The following FGF14 variants were observed in gnomAD, a reference collection of about 807,000 sequenced individuals.
The protein encoded by FGF14 is fibroblast growth factor homologous factor 4.
In FGF14, 5 loss-of-function variants were observed where a neutral mutation model predicts 25.5. The ratio of observed to expected loss-of-function variants is 0.20; its 90% confidence interval spans 0.10 to 0.41. The LOEUF is 0.41. Among genes scored for constraint, FGF14 ranks in the 10% least tolerant of loss-of-function variants. The probability of loss-of-function intolerance (pLI) is 1.00; values close to 1 mark genes in which losing one functional copy is unlikely to be tolerated. For missense variants in FGF14, 222 were observed against 320.1 expected (o/e 0.69, Z 2.34); for synonymous variants, 138 against 118.3 (o/e 1.17, Z -1.08).
intron 1 of FGF14, among the ~76,000 whole-genome samples, chr13:102,156,623 C>T (rs1566756219): frequency 6.6e-6 from 1 of 152,176 alleles, no homozygotes. Flanking sequence ...CCCTCTCTCA[C>T]CACTCCTATT....
chr13:101,713,561 T>G lies in FGF14; in HGVS notation c.*9270A>C, dbSNP rs2034578423. 6.6e-6 allele frequency: 1 copy of G among 152,196 alleles called. No individual in the cohort carries two copies. Among genetic ancestry groups the G allele is most frequent in the Non-Finnish European group, 1.5e-5 (1 of 68,032 alleles). 9.4% of individuals were successfully genotyped at this position (152,196 alleles called of 1,614,324 possible). On this transcript the variant is annotated 3_prime_UTR_variant, in exon 5 of 5. Coordinates refer to ENST00000376143, the MANE Select transcript of FGF14 (RefSeq NM_004115.4). Reference sequence around the variant, plus strand: ...TTTGTTTCTTTTTCATTGTAAAGTCTTTCCTGCTGTCGTTGAGGCAGTTTT... The same window carrying G: ...TTTGTTTCTTTTTCATTGTAAAGTCGTTCCTGCTGTCGTTGAGGCAGTTTT...
At chr13:102,032,630 C>T (rs1327722719) in intron 1 of FGF14, among the ~76,000 whole-genome samples, 1 of 152,128 alleles carries the variant, frequency 6.6e-6, no homozygotes, top group African/African-American at 2.4e-5. Context: ...CCCAGTAGGG[C>T]TGCACTATGT....
chr13:101,953,861 G>A lies in FGF14; in HGVS notation c.209-78565C>T, dbSNP rs564267482. Among the ~76,000 whole-genome samples the A allele has an allele frequency of 4.1e-4, 63 of 152,004 alleles. 1 individual carries two copies. The highest frequency in any genetic ancestry group is 1.4e-3 in the African/African-American group (59 of 41,460). Reference sequence around the variant, plus strand: ...CACCTCGGCCTCTCAAAGTGCTGGGGTTACAGGAGTGAGTCACCGTGCCCG... The same window carrying A: ...CACCTCGGCCTCTCAAAGTGCTGGGATTACAGGAGTGAGTCACCGTGCCCG... On this transcript the variant is annotated intron_variant, in intron 1 of 4. Coordinates refer to the FGF14 transcript ENST00000376131.
chr13:102,317,453 T>C (rs953227081), intron 1 of FGF14, among the ~76,000 whole-genome samples: 4 of 152,188 alleles, frequency 2.6e-5, no homozygotes, highest in Non-Finnish European at 4.4e-5. Context: ...TTTACACACA[T>C]TGAAGGAGTT....
intron 1 of FGF14, among the ~76,000 whole-genome samples, chr13:102,274,884 T>A (rs149329095): frequency 1.2e-3 from 178 of 151,380 alleles, no homozygotes; most frequent in African/African-American, 4.1e-3. Flanking sequence ...TTTTTACTCG[T>A]CATTATTTAA....
intron 1 of FGF14, among the ~76,000 whole-genome samples, chr13:101,940,883 G>T (rs4144125): frequency 0.049 from 7,514 of 152,022 alleles, 268 homozygotes; most frequent in East Asian, 0.19. Flanking sequence ...TCATTCATAA[G>T]CAAATTTTTC....
chr13:102,281,541 T>C (rs2053832965), intron 1 of FGF14, among the ~76,000 whole-genome samples: 1 of 152,092 alleles, frequency 6.6e-6, no homozygotes, highest in Non-Finnish European at 1.5e-5. Flanking sequence ...AACAACCTCC[T>C]AATGATCAAA....
chr13:102,188,658 G>A (rs920612690), intron 1 of FGF14, among the ~76,000 whole-genome samples: 31 of 152,156 alleles, frequency 2.0e-4, no homozygotes, highest in Admixed American at 1.6e-3. Flanking sequence ...ATGAACAGAG[G>A]TCAGGTGCAG....
At chr13:102,195,062 A>T (rs1377211145) in intron 1 of FGF14, among the ~76,000 whole-genome samples, 1 of 152,214 alleles carries the variant, frequency 6.6e-6, no homozygotes, top group Non-Finnish European at 1.5e-5. Flanking sequence ...CCATATAAAC[A>T]AATGGAAATA....
intron 1 of FGF14, among the ~76,000 whole-genome samples, chr13:101,953,620 T>G (rs2036319037): frequency 6.6e-6 from 1 of 151,158 alleles, no homozygotes; most frequent in Non-Finnish European, 1.5e-5. Flanking sequence ...GATGGAGTTT[T>G]GCTCTTGTTG....
Position 101,941,816 on chromosome 13 carries a change from C to A in FGF14, c.209-66520G>T, listed in dbSNP as rs186978935. On this transcript the variant is annotated intron_variant, in intron 1 of 4. Coordinates refer to the FGF14 transcript ENST00000376131. ...CCTCTTCCACACCTATGATGAATGT[C>A]CTGAAAAGAATAAACCCAGGTAAAT... Among the ~76,000 whole-genome samples the A allele has an allele frequency of 4.1e-3, 625 of 152,248 alleles. 4 individuals are homozygous for A. Among genetic ancestry groups the A allele is most frequent in the Non-Finnish European group, 6.8e-3 (461 of 67,996 alleles).
At chr13:102,323,123 T>C (rs946914994) in intron 1 of FGF14, among the ~76,000 whole-genome samples, 1 of 152,170 alleles carries the variant, frequency 6.6e-6, no homozygotes, top group African/African-American at 2.4e-5. Flanking sequence ...AGTGTAAGGT[T>C]AAAAAAGTTG....
At chr13:101,855,720 G>A (rs1180381325) in intron 3 of FGF14, among the ~76,000 whole-genome samples, 1 of 151,928 alleles carries the variant, frequency 6.6e-6, no homozygotes, top group African/African-American at 2.4e-5. Context: ...AACTGACCAT[G>A]AAGCATAAAG....
chr13:101,793,765 G>A (rs1346725784), intron 3 of FGF14, among the ~76,000 whole-genome samples: 1 of 152,116 alleles, frequency 6.6e-6, no homozygotes. Flanking sequence ...TTCACTCATT[G>A]ACGCACCTGA....
chr13:102,260,406 T>C (rs1448860640), intron 1 of FGF14, among the ~76,000 whole-genome samples: 1 of 152,226 alleles, frequency 6.6e-6, no homozygotes, highest in Non-Finnish European at 1.5e-5. Flanking sequence ...AGCAAAGTAA[T>C]GCCCTCCAGG....
At chr13:102,369,297 T>C (rs1212845003) in intron 1 of FGF14, among the ~76,000 whole-genome samples, 1 of 152,190 alleles carries the variant, frequency 6.6e-6, no homozygotes, top group African/African-American at 2.4e-5. Context: ...CAGCATGCAT[T>C]CTGCTGCTCT....
At chr13:102,058,593 C>CAA (rs1157403692) in intron 1 of FGF14, among the ~76,000 whole-genome samples, 7 of 152,112 alleles carry the variant, frequency 4.6e-5, no homozygotes, top group African/African-American at 1.7e-4. Flanking sequence ...AAAAATAAAA[C>CAA]AATTATATTC....
At chr13:101,957,308 G>A (rs1331860693) in intron 1 of FGF14, among the ~76,000 whole-genome samples, 1 of 151,882 alleles carries the variant, frequency 6.6e-6, no homozygotes, top group Non-Finnish European at 1.5e-5. Context: ...TTTTCTTTTG[G>A]GGCAAGAAAA....
intron 1 of FGF14, among the ~76,000 whole-genome samples, chr13:102,144,894 G>T (rs2046791040): frequency 6.6e-6 from 1 of 151,948 alleles, no homozygotes; most frequent in Admixed American, 6.6e-5. Flanking sequence ...ATCAGAAAAG[G>T]TAAATCATTT....
Sources: allele counts gnomAD v4.1 joint callset (sites outside exome capture counted in the v4.1 genomes callset), GRCh38; gene constraint gnomAD v4.1.1; transcripts MANE v1.5; gene names NCBI Gene and HGNC (gene_info 2026-07-23, HGNC 2026-07-21).